CMIP: variants seen among roughly 807,000 people sequenced by gnomAD.
CMIP encodes the protein C-Maf-inducing protein.
A neutral mutation model predicts 97.3 loss-of-function variants in CMIP; 13 were observed. That is an observed-to-expected ratio of 0.13 (90% confidence interval 0.09 to 0.21). CMIP has a LOEUF of 0.21. Among genes scored for constraint, CMIP ranks in the 10% least tolerant of loss-of-function variants. The probability of loss-of-function intolerance (pLI) is 1.00; values close to 1 mark genes in which losing one functional copy is unlikely to be tolerated. For missense variants in CMIP, 847 were observed against 1,024.9 expected (o/e 0.83, Z 2.37); for synonymous variants, 538 against 436.3 (o/e 1.23, Z -2.91).
chr16:81,700,262 C>G (rs117246818), intron 15 of CMIP, among the ~76,000 whole-genome samples: 12,441 of 151,962 alleles, frequency 0.082, 603 homozygotes, highest in Non-Finnish European at 0.11. Flanking sequence ...GCTCCCCAGC[C>G]GCACCCTTCA....
chr16:81,488,763 A>G (rs1450358871), intron 1 of CMIP, among the ~76,000 whole-genome samples: 2 of 152,188 alleles, frequency 1.3e-5, no homozygotes, highest in East Asian at 1.9e-4. Flanking sequence ...CTCTCCCCAC[A>G]GCTCCTGGCT....
chr16:81,645,463 T>C, intron 3 of CMIP: 1 of 1,527,414 alleles, frequency 6.5e-7, no homozygotes, highest in Non-Finnish European at 8.8e-7. Flanking sequence ...ACTCCTCTCC[T>C]GGCAAGGGGC....
At chr16:81,559,108 C>T (rs1036267018) in intron 1 of CMIP, among the ~76,000 whole-genome samples, 1 of 152,220 alleles carries the variant, frequency 6.6e-6, no homozygotes, top group African/African-American at 2.4e-5. Flanking sequence ...GTGCGGCTTC[C>T]AGCTTGTTGG....
intron 9 of CMIP, 84 bp downstream of exon 9, chr16:81,672,154 A>G: frequency 1.3e-6 from 1 of 786,872 alleles, no homozygotes; most frequent in East Asian, 2.7e-5. Context: ...CCAAGAACTG[A>G]CCAGGCCAGA....
chr16:81,634,921 C>T (rs1431119234), intron 3 of CMIP, among the ~76,000 whole-genome samples: 6 of 152,156 alleles, frequency 3.9e-5, no homozygotes, highest in Non-Finnish European at 5.9e-5. Context: ...GAGATGCTAC[C>T]GTCTTGAGGC....
At chr16:81,517,242 G>T (rs60939807) in intron 1 of CMIP, among the ~76,000 whole-genome samples, 2 of 82,646 alleles carry the variant, frequency 2.4e-5, no homozygotes, top group South Asian at 3.5e-4. Context: ...CTCCAAGGTC[G>T]TCAGTGAAAA....
At chr16:81,463,106 C>G (rs1319447873) in intron 1 of CMIP, among the ~76,000 whole-genome samples, 1 of 152,166 alleles carries the variant, frequency 6.6e-6, no homozygotes, top group East Asian at 1.9e-4. Context: ...GAGTGCAGGT[C>G]TAATGGGCTC....
intron 4 of CMIP, among the ~76,000 whole-genome samples, chr16:81,656,318 C>T (rs2092481524): frequency 6.6e-6 from 1 of 152,216 alleles, no homozygotes; most frequent in Non-Finnish European, 1.5e-5. Context: ...ATGCCTTAAG[C>T]CTGTCCAGGT....
At chr16:81,572,426 G>A (rs1207346175) in intron 1 of CMIP, among the ~76,000 whole-genome samples, 66 of 152,208 alleles carry the variant, frequency 4.3e-4, no homozygotes, top group Non-Finnish European at 1.6e-4. Flanking sequence ...TGAGACTTTG[G>A]GTTCTTTCCT....
intron 1 of CMIP, among the ~76,000 whole-genome samples, chr16:81,550,950 ACACCCCAGTCCCGTCACACG>A (rs1254538442): frequency 1.5e-3 from 184 of 119,430 alleles, no homozygotes; most frequent in African/African-American, 2.6e-3. Flanking sequence ...TCCGTCACAC[ACACCCCAGTCCCGTCACACG>A]CACCCCAGTC....
In CMIP at chr16:81,527,713, C is replaced by G. The variant is rs190877262; in HGVS notation, c.301-79854C>G. 5.3e-5 allele frequency among the ~76,000 whole-genome samples: 8 copies of G among 152,322 alleles called. No individual in the cohort carries two copies. The East Asian group carries it at 1.5e-3, about 29-fold the overall frequency. ...CAAATCAATGCGTGTTCTTTTATGT[C>G]TGGCCTCTTTGGCTCCACATGTGTT... On this transcript the variant is annotated intron_variant, in intron 1 of 20. Transcript: ENST00000537098.
chr16:81,492,450 G>A (rs2089420561), intron 1 of CMIP, among the ~76,000 whole-genome samples: 1 of 152,190 alleles, frequency 6.6e-6, no homozygotes, highest in Non-Finnish European at 1.5e-5. Context: ...TTCTGTTAGC[G>A]ATGAAGATGA....
intron 4 of CMIP, among the ~76,000 whole-genome samples, chr16:81,656,067 C>T (rs2092477768): frequency 6.6e-6 from 1 of 152,152 alleles, no homozygotes; most frequent in Non-Finnish European, 1.5e-5. Flanking sequence ...AGAAAAAAAG[C>T]GTGTTCAGAT....
At chr16:81,690,780 G>T (rs72487975) in intron 10 of CMIP, among the ~76,000 whole-genome samples, 31,636 of 152,080 alleles carry the variant, frequency 0.21, 3,537 homozygotes, top group Non-Finnish European at 0.25. Context: ...CAAAAAATTA[G>T]CTGGGCATAG....
chr16:81,457,666 A>G (rs1906638730), intron 1 of CMIP, among the ~76,000 whole-genome samples: 1 of 152,036 alleles, frequency 6.6e-6, no homozygotes, highest in South Asian at 2.1e-4. Flanking sequence ...CATCACACCT[A>G]CCTCGTGAGG....
chr16:81,662,226 A>C (rs756086196), intron 6 of CMIP, among the ~76,000 whole-genome samples: 7 of 152,100 alleles, frequency 4.6e-5, no homozygotes, highest in Non-Finnish European at 8.8e-5. Flanking sequence ...TTGCCTCTCA[A>C]GCTTAGGATT....
chr16:81,654,509 C>G (rs977845191), intron 4 of CMIP, among the ~76,000 whole-genome samples: 1 of 152,188 alleles, frequency 6.6e-6, no homozygotes, highest in African/African-American at 2.4e-5. Flanking sequence ...TTTGAAGCTA[C>G]TGTGTCAGGC....
chr16:81,534,297 A>T (rs1223210235), intron 1 of CMIP, among the ~76,000 whole-genome samples: 1 of 152,042 alleles, frequency 6.6e-6, no homozygotes, highest in African/African-American at 2.4e-5. Context: ...CACTGCCCTC[A>T]TTTTATGGGT....
chr16:81,691,101 G>T (rs1290245238), intron 10 of CMIP, among the ~76,000 whole-genome samples: 1 of 152,160 alleles, frequency 6.6e-6, no homozygotes, highest in Non-Finnish European at 1.5e-5. Flanking sequence ...CCCAGCCTAA[G>T]CCCCCTACAT....
Sources: allele counts gnomAD v4.1 joint callset (sites outside exome capture counted in the v4.1 genomes callset), GRCh38; gene constraint gnomAD v4.1.1; transcripts MANE v1.5; gene names NCBI Gene and HGNC (gene_info 2026-07-23, HGNC 2026-07-21).